Variants in SCN9A observed in about 807,000 individuals in gnomAD.
The protein encoded by SCN9A is sodium channel protein type 9 subunit alpha.
Under a neutral mutation model 187.0 loss-of-function variants are expected in SCN9A, and 131 were observed. The ratio of observed to expected loss-of-function variants is 0.70; its 90% CI spans 0.61 to 0.81. The LOEUF is 0.81. SCN9A is among the 30% of genes least tolerant of loss of function. The pLI is 0.00. For missense variants in SCN9A, 2,252 were observed against 2,396.6 expected (o/e 0.94, Z 1.26); for synonymous variants, 809 against 808.6 (o/e 1.00, Z -0.01).
chr2:166,198,020 A>T lies in SCN9A; in HGVS notation c.*652T>A, dbSNP rs747019013. The T allele has an allele frequency of 2.6e-5, 4 of 152,228 alleles. No individual in the cohort carries two copies. The highest frequency in any genetic ancestry group is 6.5e-5 in the Admixed American group (1 of 15,280). The allele number at this position is 152,228 out of a possible 1,614,324, so 9.4% of individuals were successfully genotyped here. A position where few individuals can be genotyped will look rare whatever the true frequency, so the allele number is the denominator to read the frequency against. On this transcript the variant is annotated 3_prime_UTR_variant, in exon 27 of 27. Transcript: ENST00000642356. ...TATCCTTGTTGGCATGTGAGTCAAG[A>T]TGAATGAAAAACATTTGTAGAAATG...
At chr2:166,352,018 C>T (rs1386366022) in intron 1 of SCN9A, among the ~76,000 whole-genome samples, 1 of 152,058 alleles carries the variant, frequency 6.6e-6, no homozygotes, top group Non-Finnish European at 1.5e-5. Flanking sequence ...TCCCTATTGT[C>T]TTCATTCTAT....
intron 6 of SCN9A, 31 bp downstream of exon 6, chr2:166,304,207 G>A (rs1224462427): frequency 6.2e-7 from 1 of 1,608,912 alleles, no homozygotes; most frequent in Non-Finnish European, 8.5e-7. Flanking sequence ...AGTTATGAGT[G>A]GCCTAATGCT....
chr2:166,259,460 A>G (rs1696415116), intron 17 of SCN9A, among the ~76,000 whole-genome samples: 1 of 151,826 alleles, frequency 6.6e-6, no homozygotes, highest in Non-Finnish European at 1.5e-5. Flanking sequence ...TCACAGTACT[A>G]AGATTAAATG....
chr2:166,205,973 C>T (rs1164938214), intron 24 of SCN9A, among the ~76,000 whole-genome samples: 1 of 152,160 alleles, frequency 6.6e-6, no homozygotes, highest in East Asian at 1.9e-4. Flanking sequence ...GATACCACCT[C>T]ATGCCAATTA....
At chr2:166,281,941 C>G in intron 12 of SCN9A, 133 bp from the exon 13 acceptor site, 1 of 685,690 alleles carries the variant, frequency 1.5e-6, no homozygotes, top group Non-Finnish European at 2.3e-6. Context: ...AATTATGGCT[C>G]TGCTACTTAC....
chr2:166,309,721 G>A (rs1698879972), intron 2 of SCN9A, among the ~76,000 whole-genome samples: 1 of 143,734 alleles, frequency 7.0e-6, no homozygotes. Flanking sequence ...AGCTACCAAT[G>A]ACTTTCTTCA....
In SCN9A at chr2:166,353,856, G is replaced by T. The variant is rs560608042; in HGVS notation, c.-51+21841C>A. Among the ~76,000 whole-genome samples, 3 of 152,196 alleles carry T rather than the reference G, an allele frequency of 2.0e-5. No individual in the cohort carries two copies. The East Asian group carries it at 5.8e-4, about 29-fold the overall frequency. On this transcript the variant is annotated intron_variant, in intron 1 of 26. Transcript: ENST00000642356. Reference sequence around the variant, plus strand: ...ACTAGATTCCAAACTTCATAGACAGGAAATTTGTCTTAGGCATGTATTATC... The same window carrying T: ...ACTAGATTCCAAACTTCATAGACAGTAAATTTGTCTTAGGCATGTATTATC...
intron 19 of SCN9A, among the ~76,000 whole-genome samples, chr2:166,240,415 C>T (rs533794935): frequency 3.8e-4 from 58 of 152,290 alleles, no homozygotes; most frequent in Non-Finnish European, 4.7e-4. Context: ...AAATATCTTT[C>T]CCTTTTCTTC....
rs201380237 is a variant in SCN9A, at chr2:166,281,686, A to G, written c.2097T>C (p.Thr699=). The G allele has an allele frequency of 3.7e-6, 6 of 1,612,804 alleles. No homozygotes were observed. In the African/African-American group the frequency reaches 8.0e-5, roughly 22 times the overall value. The change falls in exon 13 of 27, where the codon ACT becomes ACC. Residue 699 remains threonine (T), a synonymous_variant. Transcript: ENST00000642356. ...AAGAAGATTATTACATACCTTCCAC[A>G]GTGTTTGTTAATATGCTTGCTCTAC... The part of the protein sequence containing the change: ...AMSRASILTN[T]VEELEESRQK...
chr2:166,243,877 A>G (rs74378673), intron 18 of SCN9A, among the ~76,000 whole-genome samples: 1,782 of 152,118 alleles, frequency 0.012, 34 homozygotes, highest in African/African-American at 0.04. Flanking sequence ...AGTAGGGGTG[A>G]AGAAAGTTTC....
At chr2:166,343,056 G>A (rs575348590) in intron 1 of SCN9A, among the ~76,000 whole-genome samples, 1 of 152,182 alleles carries the variant, frequency 6.6e-6, no homozygotes, top group Non-Finnish European at 1.5e-5. Context: ...TCTTTCTAGA[G>A]CCTGTAAAAT....
intron 6 of SCN9A, among the ~76,000 whole-genome samples, chr2:166,303,519 T>C (rs12994338): frequency 0.78 from 117,918 of 152,062 alleles, 46,024 homozygotes; most frequent in African/African-American, 0.88. Flanking sequence ...AAAGAATACC[T>C]AGGTTGTCAA....
chr2:166,215,041 A>T (rs1271375819), intron 24 of SCN9A, among the ~76,000 whole-genome samples: 1 of 152,244 alleles, frequency 6.6e-6, no homozygotes, highest in Non-Finnish European at 1.5e-5. Flanking sequence ...GATAGATCAC[A>T]TGTTAGGCCA....
In SCN9A at chr2:166,198,583, G is replaced by T; in HGVS notation, c.*89C>A. On this transcript the variant is annotated 3_prime_UTR_variant, in exon 27 of 27. Transcript: ENST00000642356. ...GCCTTCGAGAATATTTTGATAAAAA[G>T]GATTTTGGCATAGACTTCCTCAAAA... The T allele has an allele frequency of 1.0e-6, 1 of 989,602 alleles. No homozygotes were observed. The highest frequency in any genetic ancestry group is 1.5e-6 in the Non-Finnish European group (1 of 686,234). 61.3% of individuals were successfully genotyped at this position (989,602 alleles called of 1,614,324 possible).
Position 166,226,571 on chromosome 2 carries a change from T to G in SCN9A, c.4394A>C (p.Lys1465Thr). 6.5e-7 allele frequency: 1 copy of G among 1,544,956 alleles called. No homozygotes were observed. Among genetic ancestry groups the G allele is most frequent in the Non-Finnish European group, 8.8e-7 (1 of 1,139,244 alleles). ...VIIDNFNQQK[K>T]KLGGQDIFMT... is the part of the protein sequence containing the mutation. ...AAAAATATTTGAAATACTTATCTTC[T>G]TTTTCTGTTGGTTGAAATTATCTAT... Residue 1465 changes from lysine to threonine, a missense_variant, in exon 24 of 27, where the codon AAG (lysine) becomes ACG (threonine). This residue lies in a region of SCN9A where 368 missense variants were observed against 408.6 expected (regional missense o/e 0.90). Coordinates refer to ENST00000642356, the MANE Select transcript of SCN9A (RefSeq NM_001365536.1).
At chr2:166,219,819 A>G (rs1694504569) in intron 24 of SCN9A, among the ~76,000 whole-genome samples, 1 of 152,194 alleles carries the variant, frequency 6.6e-6, no homozygotes. Flanking sequence ...CTTTCTTACC[A>G]CAAAAAAATG....
At position 166,199,867 on chromosome 2, in the gene SCN9A, G is replaced by A; in HGVS notation, c.4775-3C>T. ...AATCAAATCAGCTAGAAACATACCT[G>A]TATGTGGAGGAAAATAATAGAAATA... On this transcript the variant is annotated splice_polypyrimidine_tract_variant and splice_region_variant and intron_variant, in intron 26 of 26. Transcript: ENST00000642356. 1.2e-6 allele frequency: 2 copies of A among 1,604,346 alleles called. No homozygotes were observed. The highest frequency in any genetic ancestry group is 1.7e-6 in the Non-Finnish European group (2 of 1,174,038).
intron 18 of SCN9A, among the ~76,000 whole-genome samples, chr2:166,246,118 A>G (rs1282962519): frequency 6.6e-6 from 1 of 151,880 alleles, no homozygotes; most frequent in Non-Finnish European, 1.5e-5. Flanking sequence ...TTCCCAGAAG[A>G]CTCAAACTGA....
intron 1 of SCN9A, among the ~76,000 whole-genome samples, chr2:166,335,318 A>C (rs1381339102): frequency 6.6e-6 from 1 of 152,142 alleles, no homozygotes; most frequent in Non-Finnish European, 1.5e-5. Context: ...ACTTACAGTA[A>C]ATTGAACTAA....
Sources: allele counts gnomAD v4.1 joint callset (sites outside exome capture counted in the v4.1 genomes callset), GRCh38; gene constraint gnomAD v4.1.1; regional missense constraint gnomAD v4.1.1; transcripts MANE v1.5; gene names NCBI Gene and HGNC (gene_info 2026-07-23, HGNC 2026-07-21).